PKNOX2: variants seen among roughly 807,000 people sequenced by gnomAD.
PKNOX2 encodes homeobox protein PKNOX2.
In PKNOX2, 14 loss-of-function variants were observed where a neutral mutation model predicts 53.1. The ratio of observed to expected loss-of-function variants is 0.26; its 90% CI spans 0.17 to 0.41. The LOEUF is 0.41. Ranked by LOEUF, PKNOX2 falls within the 10% of genes least tolerant of loss-of-function variation. The pLI is 1.00. For synonymous variants in PKNOX2, 257 were observed against 242.8 expected (o/e 1.06, Z -0.54); for missense variants, 496 against 602.8 (o/e 0.82, Z 1.85).
At chr11:125,402,666 T>C (rs1187129444) in intron 7 of PKNOX2, among the ~76,000 whole-genome samples, 1 of 152,062 alleles carries the variant, frequency 6.6e-6, no homozygotes, top group Non-Finnish European at 1.5e-5. Context: ...AGCCGTGAAA[T>C]GCTCAGGGTC....
rs147615208 is a variant in PKNOX2 at position 125,270,678 on chromosome 11, A to G, written c.-130+35563A>G. 7.2e-5 allele frequency among the ~76,000 whole-genome samples: 11 copies of G among 152,302 alleles called. No homozygotes were observed. In the East Asian group the frequency reaches 1.2e-3, roughly 16 times the overall value. On this transcript the variant is annotated intron_variant, in intron 2 of 12. Transcript: ENST00000298282. ...TTGCCACTCTTTGTTTGGAAAGCCA[A>G]TGTGGACTCCTCAGCCTGTAATTCC... is the stretch of plus-strand genomic sequence containing the variant.
At chr11:125,197,180 G>C (rs1937813966) in intron 1 of PKNOX2, among the ~76,000 whole-genome samples, 1 of 152,210 alleles carries the variant, frequency 6.6e-6, no homozygotes, top group Admixed American at 6.5e-5. Flanking sequence ...GGTGTTTGGA[G>C]TAGTTGAGTG....
chr11:125,353,380 G>A (rs1011156467), intron 4 of PKNOX2, among the ~76,000 whole-genome samples: 12 of 152,174 alleles, frequency 7.9e-5, no homozygotes, highest in South Asian at 2.1e-4. Context: ...GGGATTAGCC[G>A]GAGAGCTGCA....
At chr11:125,430,168 A>G (rs1208093634) in intron 12 of PKNOX2, 27 bp downstream of exon 12, 3 of 1,608,668 alleles carry the variant, frequency 1.9e-6, no homozygotes, top group East Asian at 2.2e-5. Flanking sequence ...AGTGCACCCT[A>G]GACAAGGGCT....
At position 125,431,356 on chromosome 11, in the gene PKNOX2, C is replaced by T. The variant is rs368620035; in HGVS notation, c.1383C>T (p.Ser461=). The T allele has an allele frequency of 7.4e-6, 12 of 1,611,518 alleles. No individual in the cohort carries two copies. Among genetic ancestry groups the T allele is most frequent in the Middle Eastern group, 1.6e-4 (1 of 6,066 alleles). ...EVDELQTTNV[S]DLGLEHSDSL... ...ACGAGCTGCAGACGACAAATGTCAG[C>T]GACCTGGGCTTGGAACACAGTGACT... Residue 461 remains serine, a synonymous_variant, in exon 13 of 13, where the codon AGC becomes AGT. Coordinates refer to ENST00000298282, the MANE Select transcript of PKNOX2 (RefSeq NM_001382323.2).
At chr11:125,177,693 C>A (rs549915807) in intron 1 of PKNOX2, among the ~76,000 whole-genome samples, 1 of 152,290 alleles carries the variant, frequency 6.6e-6, no homozygotes, top group East Asian at 1.9e-4. Flanking sequence ...CTGCATGGGA[C>A]CCAGATACCC....
At chr11:125,175,403 TG>T (rs773779512) in intron 1 of PKNOX2, among the ~76,000 whole-genome samples, 3 of 152,170 alleles carry the variant, frequency 2.0e-5, no homozygotes, top group African/African-American at 4.8e-5. Flanking sequence ...AACTGGGCTC[TG>T]GGGAGACAGG....
At chr11:125,229,067 G>A (rs2135539724) in intron 1 of PKNOX2, among the ~76,000 whole-genome samples, 1 of 152,336 alleles carries the variant, frequency 6.6e-6, no homozygotes, top group South Asian at 2.1e-4. Context: ...AGTTGCCCAG[G>A]TGAGAGGGAG....
chr11:125,290,910 C>G (rs913060383), intron 2 of PKNOX2, among the ~76,000 whole-genome samples: 2 of 152,002 alleles, frequency 1.3e-5, no homozygotes, highest in African/African-American at 4.8e-5. Flanking sequence ...GATATGACAC[C>G]TGAGCTGACC....
chr11:125,264,583 CG>C (rs953436867), intron 2 of PKNOX2, among the ~76,000 whole-genome samples: 28 of 151,948 alleles, frequency 1.8e-4, no homozygotes, highest in Admixed American at 1.5e-3. Context: ...GGTGGGGTGG[CG>C]GGGCCGGGGG....
At chr11:125,209,822 C>T (rs1334392706) in intron 1 of PKNOX2, among the ~76,000 whole-genome samples, 2 of 152,012 alleles carry the variant, frequency 1.3e-5, no homozygotes, top group African/African-American at 4.8e-5. Flanking sequence ...GGAGTCATGT[C>T]CTGTGCCACC....
At chr11:125,384,970 T>G (rs1953522134) in intron 5 of PKNOX2, among the ~76,000 whole-genome samples, 2 of 152,134 alleles carry the variant, frequency 1.3e-5, no homozygotes, top group African/African-American at 4.8e-5. Context: ...CCTAACACAC[T>G]GGGGTATCTG....
At position 125,410,887 on chromosome 11, in the gene PKNOX2, G is replaced by T; in HGVS notation, c.816+11G>T. ...ATCCAGAACACACAGGTGAGTGTGT[G>T]TAGGTGTGTGCACATGTGCATGGTG... is the stretch of plus-strand genomic sequence containing the variant. On this transcript the variant is annotated intron_variant, in intron 9 of 12. Coordinates refer to ENST00000298282, the MANE Select transcript of PKNOX2 (RefSeq NM_001382323.2). 3 of 1,609,062 alleles carry T rather than the reference G, an allele frequency of 1.9e-6. No homozygotes were observed. The South Asian group carries it at 3.3e-5, about 18-fold the overall frequency.
At chr11:125,364,269 CAG>C (rs1952070274) in intron 4 of PKNOX2, among the ~76,000 whole-genome samples, 1 of 152,230 alleles carries the variant, frequency 6.6e-6, no homozygotes, top group Non-Finnish European at 1.5e-5. Flanking sequence ...GCAGGAAATG[CAG>C]AGTTTGCTGA....
At chr11:125,334,735 G>A (rs1182083862) in intron 3 of PKNOX2, among the ~76,000 whole-genome samples, 4 of 151,686 alleles carry the variant, frequency 2.6e-5, no homozygotes, top group African/African-American at 7.3e-5. Flanking sequence ...AGTAGCTGGG[G>A]CAACAGGTGC....
chr11:125,324,180 G>T (rs1949697626), intron 2 of PKNOX2, among the ~76,000 whole-genome samples: 1 of 152,068 alleles, frequency 6.6e-6, no homozygotes, highest in Admixed American at 6.5e-5. Context: ...AGCTTTTCCT[G>T]GACTAGATAG....
intron 5 of PKNOX2, among the ~76,000 whole-genome samples, chr11:125,379,730 C>T (rs1417582068): frequency 6.6e-6 from 1 of 152,156 alleles, no homozygotes; most frequent in Non-Finnish European, 1.5e-5. Context: ...GGGACAGCTG[C>T]ACACACCTTG....
At position 125,386,752 on chromosome 11, in the gene PKNOX2, A is replaced by T. The variant is rs991670144; in HGVS notation, c.399+1030A>T. Among the ~76,000 whole-genome samples the T allele has an allele frequency of 6.7e-5, 10 of 148,462 alleles. No homozygotes were observed. In the East Asian group the frequency reaches 7.8e-4, roughly 12 times the overall value. Reference sequence around the variant, plus strand: ...CACACACACACACACACACACACACACTGCATCTGCAGAACCGGTGTAACT... The same window carrying T: ...CACACACACACACACACACACACACTCTGCATCTGCAGAACCGGTGTAACT... On this transcript the variant is annotated intron_variant, in intron 6 of 12. Coordinates refer to ENST00000298282, the MANE Select transcript of PKNOX2 (RefSeq NM_001382323.2).
chr11:125,345,923 G>A (rs942039368), intron 3 of PKNOX2, among the ~76,000 whole-genome samples: 19 of 152,234 alleles, frequency 1.2e-4, no homozygotes, highest in Non-Finnish European at 2.2e-4. Flanking sequence ...CGGGCCCTGC[G>A]ACGCCACCTA....
Sources: gnomAD v4.1 joint callset for allele counts (sites outside exome capture counted in the v4.1 genomes callset) on GRCh38, gnomAD v4.1.1 for gene constraint, MANE v1.5 for transcripts, NCBI Gene and HGNC (gene_info 2026-07-23, HGNC 2026-07-21) for gene names.